RNF180: variants seen among roughly 807,000 people sequenced by gnomAD.
RNF180 encodes ring finger protein 180, also known as E3 ubiquitin-protein ligase RNF180.
In RNF180, 38 loss-of-function variants were observed where a neutral mutation model predicts 59.2. The observed-to-expected ratio is 0.64, with a 90% CI of 0.50 to 0.84. The LOEUF (loss-of-function observed/expected upper bound fraction) is 0.84. Among genes scored for constraint, RNF180 ranks in the 40% least tolerant of loss-of-function variants. The pLI is 0.00. For synonymous variants in RNF180, 262 were observed against 240.3 expected (o/e 1.09, Z -0.84); for missense variants, 705 against 700.9 (o/e 1.01, Z -0.07).
At chr5:64,336,221 T>C (rs1745119265) in intron 7 of RNF180, among the ~76,000 whole-genome samples, 1 of 152,218 alleles carries the variant, frequency 6.6e-6, no homozygotes, top group Non-Finnish European at 1.5e-5. Context: ...AGAATGTATA[T>C]TGTTTCTGCA....
intron 5 of RNF180, among the ~76,000 whole-genome samples, chr5:64,226,164 CG>C (rs1195804668): frequency 2.6e-5 from 4 of 151,754 alleles, no homozygotes; most frequent in Admixed American, 1.3e-4. Context: ...CCCACAGCTC[CG>C]AAGAGGCAGC....
rs550357941 is a variant in RNF180 at position 64,371,984 on chromosome 5, C to T, written c.*2170C>T. 6.6e-6 allele frequency: 1 copy of T among 151,688 alleles called. No individual in the cohort carries two copies. Among genetic ancestry groups the T allele is most frequent in the East Asian group, 1.9e-4 (1 of 5,144 alleles). 9.4% of individuals were successfully genotyped at this position (151,688 alleles called of 1,614,324 possible). A position where few individuals can be genotyped will look rare whatever the true frequency, so the allele number is the denominator to read the frequency against. Reference sequence around the variant, plus strand: ...AAATTATAATGCTCTTCCTAAGCATCTCTCACAGTAAAAACTCACTGTCCA... The same window carrying T: ...AAATTATAATGCTCTTCCTAAGCATTTCTCACAGTAAAAACTCACTGTCCA... On this transcript the variant is annotated 3_prime_UTR_variant, in exon 8 of 8. Transcript: ENST00000389100.
At chr5:64,340,678 G>C (rs1745322290) in intron 7 of RNF180, among the ~76,000 whole-genome samples, 1 of 152,084 alleles carries the variant, frequency 6.6e-6, no homozygotes, top group Non-Finnish European at 1.5e-5. Context: ...GAACAATTTT[G>C]TTCACAAGAT....
intron 7 of RNF180, among the ~76,000 whole-genome samples, chr5:64,356,217 G>C (rs1256731962): frequency 1.3e-5 from 2 of 151,640 alleles, no homozygotes; most frequent in Non-Finnish European, 2.9e-5. Context: ...AGCTATTGCT[G>C]TGCCACTGCA....
chr5:64,175,760 T>C (rs1750198756), intron 1 of RNF180, among the ~76,000 whole-genome samples: 1 of 152,198 alleles, frequency 6.6e-6, no homozygotes. Flanking sequence ...TCTATATATT[T>C]GCATCCTCTT....
chr5:64,322,239 A>C (rs546927967), intron 5 of RNF180, among the ~76,000 whole-genome samples: 1 of 152,346 alleles, frequency 6.6e-6, no homozygotes, highest in East Asian at 1.9e-4. Context: ...AAATGGGAGA[A>C]AATTTTTTCA....
chr5:64,236,449 T>C (rs1580077717), intron 5 of RNF180, among the ~76,000 whole-genome samples: 1 of 152,202 alleles, frequency 6.6e-6, no homozygotes, highest in African/African-American at 2.4e-5. Context: ...AAGAGATGGT[T>C]TGAAATGGGA....
chr5:64,256,382 G>A (rs1042075447), intron 5 of RNF180, among the ~76,000 whole-genome samples: 1 of 152,122 alleles, frequency 6.6e-6, no homozygotes, highest in African/African-American at 2.4e-5. Flanking sequence ...TTTGTATAAG[G>A]TGTAAGGAAG....
At chr5:64,299,676 G>A (rs181557088) in intron 5 of RNF180, among the ~76,000 whole-genome samples, 78 of 151,910 alleles carry the variant, frequency 5.1e-4, no homozygotes, top group African/African-American at 1.9e-3. Flanking sequence ...GGCTTGTTTT[G>A]GAAGTTGGCT....
intron 5 of RNF180, among the ~76,000 whole-genome samples, chr5:64,227,426 C>T (rs561250004): frequency 5.3e-5 from 8 of 152,254 alleles, no homozygotes; most frequent in East Asian, 1.9e-4. Context: ...GTCCTGGTCC[C>T]GAACAAAGGG....
intron 2 of RNF180, among the ~76,000 whole-genome samples, chr5:64,209,525 G>A (rs1752196848): frequency 6.8e-6 from 1 of 147,022 alleles, no homozygotes; most frequent in East Asian, 2.8e-4. Context: ...GCTTTGTGTG[G>A]TCAACACTGT....
intron 5 of RNF180, among the ~76,000 whole-genome samples, chr5:64,310,811 T>TTGTATATGGG (rs1342759679): frequency 1.3e-5 from 2 of 151,022 alleles, no homozygotes; most frequent in African/African-American, 4.9e-5. Context: ...AAAGGATTTA[T>TTGTATATGGG]TGTATATGGG....
At chr5:64,220,015 G>A (rs1040041615) in intron 5 of RNF180, among the ~76,000 whole-genome samples, 2 of 152,118 alleles carry the variant, frequency 1.3e-5, no homozygotes, top group African/African-American at 2.4e-5. Flanking sequence ...AAAATTACAT[G>A]TTTAACATTG....
chr5:64,303,390 A>G (rs1743262242), intron 5 of RNF180, among the ~76,000 whole-genome samples: 1 of 151,712 alleles, frequency 6.6e-6, no homozygotes, highest in South Asian at 2.1e-4. Flanking sequence ...AGGCATGTGG[A>G]AAGTCAGGAT....
intron 5 of RNF180, among the ~76,000 whole-genome samples, chr5:64,305,119 A>C (rs1415255042): frequency 1.3e-5 from 2 of 151,714 alleles, no homozygotes; most frequent in African/African-American, 4.8e-5. Flanking sequence ...TTATAGTGTA[A>C]ACATAACTTT....
At chr5:64,240,874 T>C (rs180698844) in intron 5 of RNF180, among the ~76,000 whole-genome samples, 1 of 152,298 alleles carries the variant, frequency 6.6e-6, no homozygotes, top group Admixed American at 6.5e-5. Context: ...ATCTACATTC[T>C]TAATTTCTCT....
intron 5 of RNF180, among the ~76,000 whole-genome samples, chr5:64,230,868 T>C (rs1182728211): frequency 6.6e-6 from 1 of 152,236 alleles, no homozygotes; most frequent in African/African-American, 2.4e-5. Flanking sequence ...CTCTAGTTTT[T>C]CTTGGGGTTC....
intron 1 of RNF180, among the ~76,000 whole-genome samples, chr5:64,173,327 A>C (rs889849810): frequency 1.3e-5 from 2 of 152,116 alleles, no homozygotes; most frequent in Non-Finnish European, 2.9e-5. Flanking sequence ...ATTTAATTTC[A>C]CTGTACTTTT....
At chr5:64,259,981 G>A (rs1018091043) in intron 5 of RNF180, among the ~76,000 whole-genome samples, 1 of 151,914 alleles carries the variant, frequency 6.6e-6, no homozygotes, top group Admixed American at 6.6e-5. Context: ...AAAAATCTTT[G>A]ACTATCCTAA....
Sources: allele counts gnomAD v4.1 joint callset (sites outside exome capture counted in the v4.1 genomes callset), GRCh38; gene constraint gnomAD v4.1.1; transcripts MANE v1.5; gene names NCBI Gene and HGNC (gene_info 2026-07-23, HGNC 2026-07-21).